The following ZNF611 variants were observed in gnomAD, a reference collection of about 807,000 sequenced individuals.
ZNF611 encodes the protein zinc finger protein 611.
ZNF611 carries 6 observed loss-of-function variants against 8.9 expected under a neutral mutation model. The observed-to-expected ratio is 0.68, with a 90% CI of 0.37 to 1.34. The LOEUF (loss-of-function observed/expected upper bound fraction) is 1.34, where lower values mean the gene tolerates loss of function less well. Ranked by LOEUF, ZNF611 falls within the 40% of genes most tolerant of loss-of-function variation. The pLI is 0.02. For missense variants in ZNF611, 874 were observed against 841.3 expected, an observed-to-expected ratio of 1.04 and a Z score of -0.48; for synonymous variants, 262 against 279.7, an observed-to-expected ratio of 0.94 and a Z score of 0.63.
At chr19:52,725,422 A>G (rs576898641) in intron 3 of ZNF611, among the ~76,000 whole-genome samples, 147 of 152,326 alleles carry the variant, frequency 9.7e-4, no homozygotes, top group Admixed American at 1.8e-3. Context: ...AATCCAGCGC[A>G]CGGGTGAGGA....
chr19:52,714,698 ACAAAACAAAAC>A (rs2062304059), intron 4 of ZNF611, among the ~76,000 whole-genome samples: 1 of 71,046 alleles, frequency 1.4e-5, no homozygotes, highest in South Asian at 3.5e-4. Flanking sequence ...AAAAAACAAA[ACAAAACAAAAC>A]AAAAAAACAA....
In ZNF611 at chr19:52,705,861, G is replaced by A; in HGVS notation, c.1194C>T (p.Tyr398=). The change falls in exon 6 of 6, where the codon TAC becomes TAT. Residue 398 remains tyrosine, a synonymous_variant. Coordinates refer to ENST00000652185, the MANE Select transcript of ZNF611 (RefSeq NM_001161499.2). Reference sequence around the variant, plus strand: ...AAGCTGTGTCACAAACCTTACATCTGTATGGTTTCTCTCCAGTATGAATTC... The same window carrying A: ...AAGCTGTGTCACAAACCTTACATCTATATGGTTTCTCTCCAGTATGAATTC... The part of the protein sequence containing the change: ...HKRIHTGEKP[Y]RCKVCDTAFT... 6.2e-7 allele frequency: 1 copy of A among 1,614,056 alleles called. No individual in the cohort carries two copies. Among genetic ancestry groups the A allele is most frequent in the South Asian group, 1.1e-5 (1 of 91,082 alleles).
intron 3 of ZNF611, among the ~76,000 whole-genome samples, chr19:52,718,754 T>C (rs1196800198): frequency 2.0e-5 from 3 of 151,962 alleles, no homozygotes; most frequent in African/African-American, 7.3e-5. Flanking sequence ...ACCAAGATCA[T>C]GCCATTGCAC....
chr19:52,704,997 A>G lies in ZNF611; in HGVS notation c.2058T>C (p.Ala686=), dbSNP rs2062229426. ...KPYKCNECGK[A]FNQQSHLSRH... is the part of the protein sequence containing the mutation. ...GTGAAAGGTGTGATTGTTGATTAAA[A>G]GCCTTCCCACATTCATTACACTTGT... is the stretch of plus-strand genomic sequence containing the variant. Residue 686 remains alanine (A), a synonymous_variant, in exon 6 of 6, where the codon GCT becomes GCC. Coordinates refer to ENST00000652185, the MANE Select transcript of ZNF611 (RefSeq NM_001161499.2). The G allele has an allele frequency of 1.9e-6, 3 of 1,614,030 alleles. No individual in the cohort carries two copies. The Admixed American group carries it at 5.0e-5, about 27-fold the overall frequency.
At chr19:52,707,344 T>A (rs2062252540) in intron 5 of ZNF611, 1 of 151,560 alleles carries the variant, frequency 6.6e-6, no homozygotes, top group African/African-American at 2.4e-5. Context: ...CAATGGAAAT[T>A]CCGTATTGTC....
At position 52,704,460 on chromosome 19, in the gene ZNF611, TCTC is replaced by T. The variant is rs2062225567; in HGVS notation, c.*474_*476del. The T allele has an allele frequency of 5.2e-6, 4 of 774,024 alleles. No individual in the cohort carries two copies. The highest frequency in any genetic ancestry group is 2.8e-5 in the South Asian group (2 of 71,138). 47.9% of individuals were successfully genotyped at this position (774,024 alleles called of 1,614,324 possible). On this transcript the variant is annotated 3_prime_UTR_variant, in exon 6 of 6. Coordinates refer to ENST00000652185, the MANE Select transcript of ZNF611 (RefSeq NM_001161499.2). ...TGTGAGGTTTCTCTCCTGTATAAAT[TCTC>T]CTATGTTTTGCATAGGATGAAGCTT...
chr19:52,704,223 C>T lies in ZNF611; in HGVS notation c.*714G>A. 2.4e-6 allele frequency: 1 copy of T among 422,022 alleles called. No homozygotes were observed. The highest frequency in any genetic ancestry group is 3.1e-5 in the Admixed American group (1 of 31,904). 26.1% of individuals were successfully genotyped at this position (422,022 alleles called of 1,614,324 possible). On this transcript the variant is annotated 3_prime_UTR_variant, in exon 6 of 6. Transcript: ENST00000652185. ...AACTCAAGTCAATGCTGAATTGACTCCAATGTCAATTAATGCTTGATGGTT... is the reference window on the plus strand; with the variant it reads ...AACTCAAGTCAATGCTGAATTGACTTCAATGTCAATTAATGCTTGATGGTT...
chr19:52,706,072 G>A lies in ZNF611; in HGVS notation c.983C>T (p.Ser328Leu). ...AATTGCCTTATCAATTAGAAGGGCTGAATTTTGACCAAAGATCTTGCCACA... is the reference window on the plus strand; with the variant it reads ...AATTGCCTTATCAATTAGAAGGGCTAAATTTTGACCAAAGATCTTGCCACA... ...NECGKIFGQN[S>L]ALLIDKAIDT... The change falls in exon 6 of 6, where the codon TCA becomes TTA. Residue 328 changes from serine (S) to leucine (L), a missense_variant. By Grantham distance (145) the Ser-to-Leu change is moderately radical. Transcript: ENST00000652185. The A allele has an allele frequency of 3.1e-6, 5 of 1,614,098 alleles. No individual in the cohort carries two copies. The highest frequency in any genetic ancestry group is 4.2e-6 in the Non-Finnish European group (5 of 1,180,016).
At chr19:52,726,984 G>T (rs1329678606) in intron 3 of ZNF611, among the ~76,000 whole-genome samples, 1 of 152,040 alleles carries the variant, frequency 6.6e-6, no homozygotes, top group African/African-American at 2.4e-5. Context: ...GTCTGCCTCA[G>T]CCTTTGGAGT....
At chr19:52,714,834 C>A (rs1190148424) in intron 4 of ZNF611, among the ~76,000 whole-genome samples, 1 of 151,646 alleles carries the variant, frequency 6.6e-6, no homozygotes, top group African/African-American at 2.4e-5. Flanking sequence ...CATGTCTCTA[C>A]TAAAAATACA....
At chr19:52,710,043 C>G (rs573293195) in intron 5 of ZNF611, among the ~76,000 whole-genome samples, 1 of 152,018 alleles carries the variant, frequency 6.6e-6, no homozygotes, top group African/African-American at 2.4e-5. Flanking sequence ...TCATGAGCAA[C>G]AAATTTCTAT....
chr19:52,728,000 CCCAGGTT>C, intron 3 of ZNF611, among the ~76,000 whole-genome samples: 1 of 151,458 alleles, frequency 6.6e-6, no homozygotes, highest in South Asian at 2.1e-4. Flanking sequence ...ACCTCTGCCT[CCCAGGTT>C]CAAGCAATTC....
intron 3 of ZNF611, among the ~76,000 whole-genome samples, chr19:52,722,326 T>A (rs1324558357): frequency 6.6e-6 from 1 of 152,130 alleles, no homozygotes; most frequent in Non-Finnish European, 1.5e-5. Flanking sequence ...AGGCTGCAGT[T>A]AGAGTAGATA....
At chr19:52,710,224 T>C (rs2147421400) in intron 5 of ZNF611, among the ~76,000 whole-genome samples, 1 of 149,556 alleles carries the variant, frequency 6.7e-6, no homozygotes, top group East Asian at 1.9e-4. Flanking sequence ...CATGCCTGGC[T>C]AATTTTTTTT....
chr19:52,733,610 C>T (rs572598370), intron 1 of ZNF611, among the ~76,000 whole-genome samples: 20 of 152,076 alleles, frequency 1.3e-4, no homozygotes, highest in Non-Finnish European at 2.6e-4. Flanking sequence ...TGTCCAGACC[C>T]TCTTTCTTCA....
In ZNF611 at chr19:52,705,198, C is replaced by G. The variant is rs750905173; in HGVS notation, c.1857G>C (p.Glu619Asp). 6.2e-7 allele frequency: 1 copy of G among 1,614,064 alleles called. No individual in the cohort carries two copies. The highest frequency in any genetic ancestry group is 1.3e-5 in the African/African-American group (1 of 74,922). ...CACACTCATTACACTTGTAAGGTTTCTCACCACTATGAAGTCTACGATGGC... is the reference window on the plus strand; with the variant it reads ...CACACTCATTACACTTGTAAGGTTTGTCACCACTATGAAGTCTACGATGGC... Reference protein sequence around the residue: ...LHCHRRLHSGEKPYKCNECGN... With the variant: ...LHCHRRLHSGDKPYKCNECGN... The change falls in exon 6 of 6, where the codon GAG becomes GAC. Residue 619 changes from glutamate (E) to aspartate (D), a missense_variant. By Grantham distance (45) the Glu-to-Asp change is conservative. Transcript: ENST00000652185.
chr19:52,706,043 TATC>T lies in ZNF611; in HGVS notation c.1009_1011del (p.Asp337del), dbSNP rs2062240755. On this transcript the variant is annotated inframe_deletion, in exon 6 of 6. Coordinates refer to ENST00000652185, the MANE Select transcript of ZNF611 (RefSeq NM_001161499.2). ...TTACACTTGTAAGGATTTTCTCCAGTATCAATTGCCTTATCAATTAGAAGGGCT... is the reference window on the plus strand; with the variant it reads ...TTACACTTGTAAGGATTTTCTCCAGTAATTGCCTTATCAATTAGAAGGGCT... 6.2e-7 allele frequency: 1 copy of T among 1,614,122 alleles called. No individual in the cohort carries two copies. Among genetic ancestry groups the T allele is most frequent in the Admixed American group, 1.7e-5 (1 of 60,012 alleles).
At position 52,703,626 on chromosome 19, in the gene ZNF611, C is replaced by CT. The variant is rs1228693154; in HGVS notation, c.*1310dup. 1 of 134,780 alleles carries CT rather than the reference C, an allele frequency of 7.4e-6. No homozygotes were observed. The highest frequency in any genetic ancestry group is 2.4e-4 in the South Asian group (1 of 4,230). The allele number at this position is 134,780 out of a possible 1,614,324, so 8.3% of individuals were successfully genotyped here. ...TTTTTTTTTGAGATAGACTCTCACT[C>CT]TGTCGCCCAGGCTGGAGCCCAGTGG... is the stretch of plus-strand genomic sequence containing the variant. On this transcript the variant is annotated 3_prime_UTR_variant, in exon 6 of 6. Coordinates refer to ENST00000652185, the MANE Select transcript of ZNF611 (RefSeq NM_001161499.2).
At chr19:52,716,930 A>C (rs542981283) in intron 3 of ZNF611, among the ~76,000 whole-genome samples, 2 of 152,066 alleles carry the variant, frequency 1.3e-5, no homozygotes, top group South Asian at 4.1e-4. Context: ...CTACTTGGGA[A>C]GCTGAGGCAG....
Sources: allele counts gnomAD v4.1 joint callset (sites outside exome capture counted in the v4.1 genomes callset), GRCh38; gene constraint gnomAD v4.1.1; transcripts MANE v1.5; gene names NCBI Gene and HGNC (gene_info 2026-07-23, HGNC 2026-07-21).